RNF6: variants seen among roughly 807,000 people sequenced by gnomAD.
The protein encoded by RNF6 is E3 ubiquitin-protein ligase RNF6.
In RNF6, 21 loss-of-function variants were observed where a neutral mutation model predicts 50.1. That is an observed-to-expected ratio of 0.42 (90% CI 0.30 to 0.60). RNF6 has a LOEUF of 0.60. Among genes scored for constraint, RNF6 ranks in the 20% least tolerant of loss-of-function variants. RNF6 has a pLI of 0.20. For synonymous variants in RNF6, 255 were observed against 291.8 expected, an observed-to-expected ratio of 0.87 and a Z score of 1.29; for missense variants, 698 against 838.2, an observed-to-expected ratio of 0.83 and a Z score of 2.07.
rs376773089 is a variant in RNF6 at position 26,181,323 on chromosome 13, A to G, written n.768+34151T>C. Among the ~76,000 whole-genome samples, 17 of 152,332 alleles carry G rather than the reference A, an allele frequency of 1.1e-4. No individual in the cohort carries two copies. The East Asian group carries it at 3.1e-3, about 28-fold the overall frequency. On this transcript the variant is annotated intron_variant and non_coding_transcript_variant, in intron 5 of 5. Transcript: ENST00000468480. ...AGGAAAAAGAATGGTTGGGAACACC[A>G]AGATTGGGATGCCATAGGCAGGCAG...
At chr13:26,137,499 T>C (rs1870709825) in intron 5 of RNF6, among the ~76,000 whole-genome samples, 1 of 151,960 alleles carries the variant, frequency 6.6e-6, no homozygotes, top group Non-Finnish European at 1.5e-5. Context: ...TCAATAGAAA[T>C]TGTCTCAAAG....
downstream of RNF6, among the ~76,000 whole-genome samples, chr13:26,212,594 C>A (rs1234096401): frequency 6.6e-6 from 1 of 151,018 alleles, no homozygotes; most frequent in African/African-American, 2.4e-5. Flanking sequence ...TAATAATTCA[C>A]TTTATCAATT....
chr13:26,193,878 T>C (rs537858414), intron 5 of RNF6, among the ~76,000 whole-genome samples: 35 of 152,210 alleles, frequency 2.3e-4, no homozygotes, highest in African/African-American at 8.4e-4. Flanking sequence ...GAGAAGAAGG[T>C]GAGTGGTAGA....
chr13:26,142,218 T>C (rs923506661), intron 5 of RNF6: 1 of 151,842 alleles, frequency 6.6e-6, no homozygotes, highest in Non-Finnish European at 1.5e-5. Context: ...TATTAAAAAG[T>C]CAAAAAACAA....
intron 5 of RNF6, among the ~76,000 whole-genome samples, chr13:26,133,443 C>T (rs1228235130): frequency 2.6e-5 from 4 of 152,184 alleles, no homozygotes; most frequent in African/African-American, 9.7e-5. Flanking sequence ...CCTTCCAGGA[C>T]TCTGGTGACA....
chr13:26,197,209 A>G (rs1868700090), intron 5 of RNF6, among the ~76,000 whole-genome samples: 1 of 151,912 alleles, frequency 6.6e-6, no homozygotes, highest in Non-Finnish European at 1.5e-5. Context: ...CCTGCCTAGA[A>G]AAACTCAAGG....
rs192787861 is a variant in RNF6 at position 26,163,903 on chromosome 13, C to G, written n.769-31452G>C. On this transcript the variant is annotated intron_variant and non_coding_transcript_variant, in intron 5 of 5. Transcript: ENST00000468480. ...CAGGTAACCAAGGGCAAATTATATGCTTTTTTCTGCCTCTGTTTCATCTCC... is the reference window on the plus strand; with the variant it reads ...CAGGTAACCAAGGGCAAATTATATGGTTTTTTCTGCCTCTGTTTCATCTCC... Among the ~76,000 whole-genome samples the G allele has an allele frequency of 2.2e-3, 340 of 152,228 alleles. 1 individual carries two copies. The highest frequency in any genetic ancestry group is 3.1e-3 in the Non-Finnish European group (212 of 68,006).
chr13:26,156,331 A>C (rs1051556409), intron 5 of RNF6, among the ~76,000 whole-genome samples: 1 of 152,238 alleles, frequency 6.6e-6, no homozygotes, highest in Non-Finnish European at 1.5e-5. Flanking sequence ...CAAGTGCTAT[A>C]AGCCATTACG....
intron 5 of RNF6, among the ~76,000 whole-genome samples, chr13:26,172,885 T>A (rs1872769398): frequency 6.6e-6 from 1 of 151,836 alleles, no homozygotes. Flanking sequence ...AATGTGAAAA[T>A]GGAGAAAGGT....
intron 5 of RNF6, among the ~76,000 whole-genome samples, chr13:26,183,267 G>A (rs371940788): frequency 1.3e-5 from 2 of 152,138 alleles, no homozygotes; most frequent in East Asian, 1.9e-4. Context: ...CTTGACACAC[G>A]AGAACAGATT....
At chr13:26,155,201 G>T (rs1871849137) in intron 5 of RNF6, among the ~76,000 whole-genome samples, 1 of 151,854 alleles carries the variant, frequency 6.6e-6, no homozygotes, top group Non-Finnish European at 1.5e-5. Context: ...CCCAGGAGTT[G>T]AAGGCTGCAG....
intron 5 of RNF6, among the ~76,000 whole-genome samples, chr13:26,151,840 C>T (rs991956499): frequency 3.9e-5 from 6 of 152,290 alleles, no homozygotes; most frequent in Non-Finnish European, 7.4e-5. Flanking sequence ...AATGAACTGC[C>T]TTTGAAACAT....
chr13:26,205,734 C>A (rs779850780), intron 5 of RNF6, among the ~76,000 whole-genome samples: 10 of 152,210 alleles, frequency 6.6e-5, no homozygotes, highest in Non-Finnish European at 1.3e-4. Context: ...AATAAAAAGG[C>A]CGGGTACAGT....
At chr13:26,185,874 A>G (rs1015673837) in intron 5 of RNF6, among the ~76,000 whole-genome samples, 3 of 152,216 alleles carry the variant, frequency 2.0e-5, no homozygotes, top group African/African-American at 7.2e-5. Flanking sequence ...ACACTTCTGG[A>G]AAGTTCCTTC....
chr13:26,191,393 G>C (rs1868446161), intron 5 of RNF6, among the ~76,000 whole-genome samples: 1 of 152,174 alleles, frequency 6.6e-6, no homozygotes, highest in African/African-American at 2.4e-5. Context: ...TTCTAGTGCA[G>C]AGTGGCGGTC....
intron 4 of RNF6, among the ~76,000 whole-genome samples, chr13:26,217,251 A>T (rs1436567668): frequency 6.6e-6 from 1 of 152,240 alleles, no homozygotes; most frequent in Non-Finnish European, 1.5e-5. Flanking sequence ...GTTAATGTCC[A>T]CTTCCCATTT....
chr13:26,173,907 C>T (rs1275607285), intron 5 of RNF6, among the ~76,000 whole-genome samples: 14 of 146,166 alleles, frequency 9.6e-5, no homozygotes, highest in African/African-American at 2.8e-4. Context: ...GCCAGGATGG[C>T]GCCACTGTAC....
chr13:26,219,629 T>C lies in RNF6; in HGVS notation c.21A>G (p.Arg7=), dbSNP rs1301634040. ...AGGTTTCTTCACTGCCACCATCTGA[T>C]CTCGATCTAGACTGATTCATCCTGA... is the stretch of plus-strand genomic sequence containing the variant. MNQSRS[R]SDGGSEETLP... is the part of the protein sequence containing the mutation. The change falls in exon 3 of 5, where the codon AGA becomes AGG. Residue 7 remains arginine (R), a synonymous_variant. Transcript: ENST00000381588. The C allele has an allele frequency of 1.2e-6, 2 of 1,613,404 alleles. No homozygotes were observed. Among genetic ancestry groups the C allele is most frequent in the Middle Eastern group, 1.7e-4 (1 of 5,718 alleles).
At chr13:26,203,891 T>G (rs1391397032) in intron 5 of RNF6, among the ~76,000 whole-genome samples, 1 of 152,108 alleles carries the variant, frequency 6.6e-6, no homozygotes, top group African/African-American at 2.4e-5. Flanking sequence ...AGGCGGAGCT[T>G]GCAGTGAGCC....
Sources: gnomAD v4.1 joint callset for allele counts (sites outside exome capture counted in the v4.1 genomes callset) on GRCh38, gnomAD v4.1.1 for gene constraint, MANE v1.5 for transcripts, NCBI Gene and HGNC (gene_info 2026-07-23, HGNC 2026-07-21) for gene names.